ANKRD36B: variants seen among roughly 807,000 people sequenced by gnomAD.
ANKRD36B encodes ankyrin repeat domain 36B.
ANKRD36B carries 37 observed loss-of-function variants against 135.7 expected under a neutral mutation model. That is an observed-to-expected ratio of 0.27 (90% CI 0.21 to 0.36). ANKRD36B has a LOEUF of 0.36. Ranked by LOEUF, ANKRD36B falls within the 10% of genes least tolerant of loss-of-function variation. ANKRD36B has a pLI of 1.00. For missense variants in ANKRD36B, 549 were observed against 1,037.1 expected (o/e 0.53, Z 6.46); for synonymous variants, 179 against 348.1 (o/e 0.51, Z 5.41).
At chr2:97,572,601 G>A (rs1345788916) in intron 6 of ANKRD36B, among the ~76,000 whole-genome samples, 1 of 150,024 alleles carries the variant, frequency 6.7e-6, no homozygotes, top group Non-Finnish European at 1.5e-5. Flanking sequence ...ATATAAAGAA[G>A]TTTAGCATTA....
intron 5 of ANKRD36B, among the ~76,000 whole-genome samples, chr2:97,577,946 A>G (rs1559235270): frequency 6.6e-6 from 1 of 151,916 alleles, no homozygotes; most frequent in Non-Finnish European, 1.5e-5. Context: ...GTAGCAATAA[A>G]GAAGAACACT....
chr2:97,561,373 T>C (rs1185226893), intron 6 of ANKRD36B, among the ~76,000 whole-genome samples: 1 of 151,876 alleles, frequency 6.6e-6, no homozygotes, highest in African/African-American at 2.4e-5. Flanking sequence ...AGTGGAAGTG[T>C]CCTAACTTAA....
In ANKRD36B at chr2:97,530,552, G is replaced by C. The variant is rs552877955; in HGVS notation, c.2265+1759C>G. Among the ~76,000 whole-genome samples, 33 of 96,012 alleles carry C rather than the reference G, an allele frequency of 3.4e-4. 6 individuals are homozygous for C. The highest frequency in any genetic ancestry group is 5.3e-3 in the Middle Eastern group (1 of 190). 63.0% of individuals were successfully genotyped at this position (96,012 alleles called of 152,430 possible). On this transcript the variant is annotated intron_variant, in intron 35 of 43. Coordinates refer to ENST00000359901, the MANE Select transcript of ANKRD36B (RefSeq NM_001393939.1). ...ATGGCAACAAAAGCCAAAATTGACA[G>C]ATGGGATCTAATTAAGCTAAAGAGC...
In ANKRD36B at chr2:97,524,715, A is replaced by C. The variant is rs562073921; in HGVS notation, c.2266-1248T>G. The C allele has an allele frequency of 5.1e-5, 5 of 97,230 alleles. No homozygotes were observed. In the South Asian group the frequency reaches 1.2e-3, roughly 23 times the overall value. The allele number at this position is 97,230 out of a possible 1,614,324, so 6.0% of individuals were successfully genotyped here. On this transcript the variant is annotated intron_variant, in intron 35 of 43. Transcript: ENST00000359901. ...AGTTATTATGTAGTTGCTCTTCCTC[A>C]ATACAAGCAGTTTTGTAATTTTCAC...
rs573880654 is a variant in ANKRD36B at position 97,570,783 on chromosome 2, C to T, written c.763+5596G>A. The stretch of plus-strand genomic sequence containing the variant: ...ATTCTTTCACTGTAACAAATCAAAG[C>T]CCAGAGTAGGACTGTTTGCTGAGTC... On this transcript the variant is annotated intron_variant, in intron 6 of 43. Coordinates refer to ENST00000359901, the MANE Select transcript of ANKRD36B (RefSeq NM_001393939.1). Among the ~76,000 whole-genome samples, 9 of 152,318 alleles carry T rather than the reference C, an allele frequency of 5.9e-5. No homozygotes were observed. The East Asian group carries it at 1.7e-3, about 29-fold the overall frequency.
chr2:97,568,853 C>T (rs1235756248), intron 6 of ANKRD36B, among the ~76,000 whole-genome samples: 1 of 152,104 alleles, frequency 6.6e-6, no homozygotes, highest in Non-Finnish European at 1.5e-5. Context: ...GTATGACTCT[C>T]TTGGCATTTT....
Position 97,561,141 on chromosome 2 carries a change from G to A in ANKRD36B, c.764-281C>T, listed in dbSNP as rs527454933. Among the ~76,000 whole-genome samples the A allele has an allele frequency of 2.9e-3, 440 of 151,982 alleles. 1 individual carries two copies. The highest frequency in any genetic ancestry group is 0.01 in the African/African-American group (424 of 41,518). ...AATAAAACCATGTCAATATCAATGT[G>A]GATATGCTGAGTGATGAGGACAAAT... is the stretch of plus-strand genomic sequence containing the variant. On this transcript the variant is annotated intron_variant, in intron 6 of 43. Transcript: ENST00000359901.
chr2:97,567,019 T>A (rs1345152782), intron 6 of ANKRD36B, among the ~76,000 whole-genome samples: 20 of 151,952 alleles, frequency 1.3e-4, no homozygotes, highest in Non-Finnish European at 2.4e-4. Flanking sequence ...CAACTTCCAG[T>A]TGGACTTCAA....
intron 4 of ANKRD36B, 53 bp downstream of exon 4, chr2:97,580,409 T>G: frequency 6.9e-7 from 1 of 1,443,384 alleles, no homozygotes; most frequent in South Asian, 1.3e-5. Context: ...CTGCTACCAC[T>G]CTAAAATGAC....
chr2:97,532,444 G>A, intron 34 of ANKRD36B, 60 bp from the exon 35 acceptor site: 2 of 501,378 alleles, frequency 4.0e-6, no homozygotes, highest in South Asian at 3.2e-5. Context: ...TAAAAGCCAT[G>A]GTCAGCGGTG....
At chr2:97,553,461 G>A (rs1252514494) in intron 14 of ANKRD36B, 90 bp from the exon 15 acceptor site, 10 of 1,429,772 alleles carry the variant, frequency 7.0e-6, no homozygotes, top group Middle Eastern at 2.5e-4. Context: ...AGCTGTATCC[G>A]CCTGCCTGTA....
At chr2:97,553,657 C>A (rs1406516534) in intron 14 of ANKRD36B, among the ~76,000 whole-genome samples, 2 of 151,900 alleles carry the variant, frequency 1.3e-5, no homozygotes, top group African/African-American at 4.8e-5. Context: ...GCCAAGTGAT[C>A]ATGACAAATG....
chr2:97,544,284 C>T (rs368897684), intron 24 of ANKRD36B, among the ~76,000 whole-genome samples: 3 of 85,360 alleles, frequency 3.5e-5, no homozygotes, highest in Admixed American at 1.1e-4. Context: ...CAAATGTGAT[C>T]TAAAATCAGA....
intron 6 of ANKRD36B, among the ~76,000 whole-genome samples, chr2:97,570,935 C>T (rs1188469533): frequency 6.6e-6 from 1 of 152,180 alleles, no homozygotes; most frequent in East Asian, 1.9e-4. Context: ...TATAAAACAC[C>T]TTTCCCTCAT....
At chr2:97,554,748 CA>C (rs1559176317) in intron 14 of ANKRD36B, among the ~76,000 whole-genome samples, 1 of 151,878 alleles carries the variant, frequency 6.6e-6, no homozygotes, top group Non-Finnish European at 1.5e-5. Flanking sequence ...ATTCTCCTTC[CA>C]CCCTTGGTGA....
intron 3 of ANKRD36B, among the ~76,000 whole-genome samples, chr2:97,582,407 G>A (rs531608732): frequency 4.6e-5 from 7 of 151,582 alleles, no homozygotes; most frequent in Non-Finnish European, 7.4e-5. Context: ...GGCTTGTAAA[G>A]TCATCCCTAC....
intron 6 of ANKRD36B, among the ~76,000 whole-genome samples, chr2:97,562,647 T>C (rs1239349299): frequency 6.6e-6 from 1 of 152,154 alleles, no homozygotes; most frequent in East Asian, 1.9e-4. Flanking sequence ...TTTTTTTCGT[T>C]CATAAATCTA....
rs1347770961 is a variant in ANKRD36B at position 97,536,442 on chromosome 2, A to G, written c.2118+26T>C. 5 of 891,876 alleles carry G rather than the reference A, an allele frequency of 5.6e-6. 2 individuals carry two copies. Among genetic ancestry groups the G allele is most frequent in the Non-Finnish European group, 8.5e-6 (5 of 589,126 alleles). 55.2% of individuals were successfully genotyped at this position (891,876 alleles called of 1,614,324 possible). A position where few individuals can be genotyped will look rare whatever the true frequency, so the allele number is the denominator to read the frequency against. ...GGTATAGGTTATGCAGTTAATAATT[A>G]AAAATATAAATGTAAGAGTAATTAC... On this transcript the variant is annotated intron_variant, in intron 33 of 43. Transcript: ENST00000359901.
chr2:97,556,107 A>T (rs1489077455), intron 12 of ANKRD36B, among the ~76,000 whole-genome samples: 1 of 151,934 alleles, frequency 6.6e-6, no homozygotes, highest in Non-Finnish European at 1.5e-5. Flanking sequence ...TCTACTCTGG[A>T]ATATCATTGT....
Sources: gnomAD v4.1 joint callset for allele counts (sites outside exome capture counted in the v4.1 genomes callset) on GRCh38, gnomAD v4.1.1 for gene constraint, MANE v1.5 for transcripts, NCBI Gene and HGNC (gene_info 2026-07-23, HGNC 2026-07-21) for gene names.